TTC3: variants seen among roughly 807,000 people sequenced by gnomAD.
The protein encoded by TTC3 is E3 ubiquitin-protein ligase TTC3.
A neutral mutation model predicts 249.6 loss-of-function variants in TTC3; 180 were observed. That is an observed-to-expected ratio of 0.72 (90% CI 0.64 to 0.82). The LOEUF (loss-of-function observed/expected upper bound fraction) is 0.82, where lower values mean the gene tolerates loss of function less well. Ranked by LOEUF, TTC3 falls within the 40% of genes least tolerant of loss-of-function variation. The pLI, the probability that TTC3 is intolerant of heterozygous loss-of-function variation, is 0.00. For missense variants in TTC3, 2,061 were observed against 2,398.4 expected, an observed-to-expected ratio of 0.86 and a Z score of 2.94; for synonymous variants, 717 against 805.0, an observed-to-expected ratio of 0.89 and a Z score of 1.85.
At chr21:37,096,769 G>T in intron 10 of TTC3, 126 bp downstream of exon 10, 1 of 671,906 alleles carries the variant, frequency 1.5e-6, no homozygotes, top group Non-Finnish European at 2.6e-6. Context: ...TACTTAAGTG[G>T]TTAAAAGAGT....
rs73902583 is a variant in TTC3, at chr21:37,117,474, A to G, written c.901-4343A>G. Among the ~76,000 whole-genome samples, 898 of 152,308 alleles carry G rather than the reference A, an allele frequency of 5.9e-3. 9 individuals carry two copies. The highest frequency in any genetic ancestry group is 0.02 in the African/African-American group (844 of 41,566). ...CTGGTGTTTGACAGGTGCTATATCA[A>G]TATTTGTAAAATGAATGAATGAATG... On this transcript the variant is annotated intron_variant, in intron 11 of 45. Transcript: ENST00000355666.
intron 39 of TTC3, among the ~76,000 whole-genome samples, chr21:37,190,427 C>A (rs2083927204): frequency 6.6e-6 from 1 of 152,070 alleles, no homozygotes; most frequent in South Asian, 2.1e-4. Flanking sequence ...AGCCACCATG[C>A]CCGGCCCCTT....
At chr21:37,156,110 C>T (rs891604474) in intron 27 of TTC3, among the ~76,000 whole-genome samples, 1 of 151,708 alleles carries the variant, frequency 6.6e-6, no homozygotes, top group Non-Finnish European at 1.5e-5. Flanking sequence ...CGTCATAGCT[C>T]ACTGTAGCTT....
At chr21:37,191,510 C>CT (rs2084096809) in intron 40 of TTC3, 86 bp downstream of exon 40, 3 of 741,216 alleles carry the variant, frequency 4.0e-6, no homozygotes, top group Admixed American at 3.9e-5. Context: ...GAATCTATTT[C>CT]TTTTTTATCT....
intron 16 of TTC3, among the ~76,000 whole-genome samples, chr21:37,132,266 A>G (rs2077528440): frequency 6.6e-6 from 1 of 152,070 alleles, no homozygotes; most frequent in Non-Finnish European, 1.5e-5. Context: ...TTCAGTAAAT[A>G]TATTTTTTTC....
chr21:37,122,957 G>T, intron 12 of TTC3, 26 bp from the exon 13 acceptor site: 1 of 1,457,906 alleles, frequency 6.9e-7, no homozygotes, highest in Non-Finnish European at 9.0e-7. Context: ...ATTACTATGT[G>T]TGTGTGTGTG....
chr21:37,172,376 T>C (rs2081881647), intron 34 of TTC3, among the ~76,000 whole-genome samples: 1 of 152,222 alleles, frequency 6.6e-6, no homozygotes, highest in Non-Finnish European at 1.5e-5. Flanking sequence ...TTGGAGAATT[T>C]ATGAATTTCA....
chr21:37,186,597 T>C (rs2148174317), intron 37 of TTC3, among the ~76,000 whole-genome samples: 1 of 152,236 alleles, frequency 6.6e-6, no homozygotes, highest in South Asian at 2.1e-4. Flanking sequence ...CGCACCACCA[T>C]TGTATTTTTT....
chr21:37,187,658 A>G (rs889614656), intron 38 of TTC3: 1 of 152,336 alleles, frequency 6.6e-6, no homozygotes, highest in African/African-American at 2.4e-5. Context: ...CAGAAACATG[A>G]TTCTCTATGT....
rs2147665948 is a variant in TTC3, at chr21:37,087,967, G to A, written c.187+92G>A. ...TCATAGCAATACAACAGATTTATAT[G>A]CCTTTTAAAAATGTATTCTTACTAG... On this transcript the variant is annotated intron_variant, in intron 3 of 45. Transcript: ENST00000355666. 6 of 1,057,544 alleles carry A rather than the reference G, an allele frequency of 5.7e-6. No homozygotes were observed. In the South Asian group the frequency reaches 9.3e-5, roughly 16 times the overall value. 65.5% of individuals were successfully genotyped at this position (1,057,544 alleles called of 1,614,324 possible).
rs552162335 is a variant in TTC3 at position 37,078,211 on chromosome 21, CTG to C, written c.-12+4851_-12+4852del. ...GTGTCACTTGTCACCTTGTCTGTCTCTGTGTTCATACCACACTGTCTTAATCA... is the reference window on the plus strand; with the variant it reads ...GTGTCACTTGTCACCTTGTCTGTCTCTGTTCATACCACACTGTCTTAATCA... On this transcript the variant is annotated intron_variant, in intron 1 of 45. Coordinates refer to ENST00000355666, the Ensembl canonical transcript of TTC3. 2.3e-3 allele frequency among the ~76,000 whole-genome samples: 357 copies of C among 152,196 alleles called. 2 individuals carry two copies. The highest frequency in any genetic ancestry group is 7.9e-3 in the African/African-American group (329 of 41,534).
At chr21:37,172,075 G>GT (rs552076279) in intron 34 of TTC3, among the ~76,000 whole-genome samples, 137 of 152,044 alleles carry the variant, frequency 9.0e-4, no homozygotes, top group African/African-American at 3.0e-3. Flanking sequence ...TGGGTTTGGG[G>GT]TTTTTTTTGT....
At chr21:37,171,384 C>T (rs2081771689) in intron 34 of TTC3, among the ~76,000 whole-genome samples, 1 of 152,196 alleles carries the variant, frequency 6.6e-6, no homozygotes, top group South Asian at 2.1e-4. Context: ...GCTACTTTCT[C>T]CTGGGACTTT....
At position 37,095,380 on chromosome 21, in the gene TTC3, G is replaced by A. The variant is rs1021737148; in HGVS notation, c.718G>A (p.Glu240Lys). The change falls in exon 9 of 46, where the codon GAA becomes AAA. Residue 240 changes from glutamate to lysine, a missense_variant. Transcript: ENST00000355666. ...AGAACTAATGAAAATGAAAGGAAAT[G>A]AAGAGTTTTCCAAAGAAAGATTTGA... 4 of 1,608,250 alleles carry A rather than the reference G, an allele frequency of 2.5e-6. No individual in the cohort carries two copies. The African/African-American group carries it at 5.4e-5, about 22-fold the overall frequency.
chr21:37,123,991 C>T (rs905346595), intron 13 of TTC3, among the ~76,000 whole-genome samples: 9 of 151,938 alleles, frequency 5.9e-5, no homozygotes, highest in Non-Finnish European at 1.3e-4. Context: ...TCAAGTGATC[C>T]GCTCGCCTTG....
At chr21:37,119,748 G>C (rs764563311) in intron 11 of TTC3, among the ~76,000 whole-genome samples, 7 of 152,108 alleles carry the variant, frequency 4.6e-5, no homozygotes, top group Non-Finnish European at 1.0e-4. Flanking sequence ...GCAAGCTGTG[G>C]TTTCTTATCT....
chr21:37,179,011 C>T (rs1262819094), intron 35 of TTC3, among the ~76,000 whole-genome samples: 4 of 151,996 alleles, frequency 2.6e-5, no homozygotes, highest in Admixed American at 1.3e-4. Flanking sequence ...ATGGCTCACA[C>T]CTATAATCCC....
chr21:37,075,610 C>T (rs1366365165), intron 1 of TTC3, among the ~76,000 whole-genome samples: 1 of 152,172 alleles, frequency 6.6e-6, no homozygotes, highest in Non-Finnish European at 1.5e-5. Flanking sequence ...CTTTACTGAC[C>T]AGCTTCCTTA....
At chr21:37,084,970 G>A (rs566537013) in intron 1 of TTC3, among the ~76,000 whole-genome samples, 1 of 151,068 alleles carries the variant, frequency 6.6e-6, no homozygotes, top group Non-Finnish European at 1.5e-5. Context: ...TCCAGCCTGG[G>A]CGACAGAGTG....
Sources: gnomAD v4.1 joint callset for allele counts (sites outside exome capture counted in the v4.1 genomes callset) on GRCh38, gnomAD v4.1.1 for gene constraint, MANE v1.5 for transcripts, NCBI Gene and HGNC (gene_info 2026-07-23, HGNC 2026-07-21) for gene names.